The following GPC6 variants were observed in gnomAD, a reference collection of about 807,000 sequenced individuals.
The protein encoded by GPC6 is glypican 6.
GPC6 carries 14 observed loss-of-function variants against 55.2 expected under a neutral mutation model. The ratio of observed to expected loss-of-function variants is 0.25; its 90% CI spans 0.17 to 0.40. The LOEUF is 0.40. GPC6 is among the 10% of genes least tolerant of loss of function. The pLI, the probability that GPC6 is intolerant of heterozygous loss-of-function variation, is 1.00. For missense variants in GPC6, 641 were observed against 708.5 expected (o/e 0.90, Z 1.08); for synonymous variants, 278 against 259.6 (o/e 1.07, Z -0.68).
intron 2 of GPC6, among the ~76,000 whole-genome samples, chr13:93,705,904 T>C (rs956473783): frequency 6.6e-6 from 1 of 151,532 alleles, no homozygotes; most frequent in Non-Finnish European, 1.5e-5. Flanking sequence ...AATTATGTAA[T>C]TTAATTAAAT....
chr13:93,340,757 A>G (rs1460882387), intron 1 of GPC6, among the ~76,000 whole-genome samples: 1 of 152,048 alleles, frequency 6.6e-6, no homozygotes, highest in East Asian at 2.0e-4. Flanking sequence ...ATAGCGAAGA[A>G]GACTTATGAA....
chr13:94,185,414 C>T (rs1889141592), intron 4 of GPC6, among the ~76,000 whole-genome samples: 1 of 152,024 alleles, frequency 6.6e-6, no homozygotes, highest in African/African-American at 2.4e-5. Flanking sequence ...GGAAAGTCTA[C>T]AAACTTTTCA....
intron 4 of GPC6, among the ~76,000 whole-genome samples, chr13:94,074,253 T>C (rs1884833424): frequency 6.6e-6 from 1 of 152,078 alleles, no homozygotes; most frequent in Non-Finnish European, 1.5e-5. Context: ...TAAAAAAAAA[T>C]ACTTTTCAAA....
chr13:93,958,342 C>G (rs1879606193), intron 3 of GPC6, among the ~76,000 whole-genome samples: 1 of 152,172 alleles, frequency 6.6e-6, no homozygotes, highest in Non-Finnish European at 1.5e-5. Flanking sequence ...TCAGGTCTTA[C>G]ATTTAAATCT....
chr13:94,247,245 G>A (rs955363424), intron 4 of GPC6, among the ~76,000 whole-genome samples: 2 of 152,018 alleles, frequency 1.3e-5, no homozygotes, highest in Non-Finnish European at 2.9e-5. Flanking sequence ...ATAGTTGTTT[G>A]GTGGAGTCTT....
At chr13:93,952,841 CACATATATAT>C (rs1879316149) in intron 3 of GPC6, among the ~76,000 whole-genome samples, 2 of 145,062 alleles carry the variant, frequency 1.4e-5, no homozygotes, top group African/African-American at 5.1e-5. Flanking sequence ...GTATATATCA[CACATATATAT>C]ACGTATATAT....
chr13:93,704,866 G>A (rs1342858594), intron 2 of GPC6, among the ~76,000 whole-genome samples: 2 of 151,944 alleles, frequency 1.3e-5, no homozygotes, highest in African/African-American at 4.8e-5. Flanking sequence ...TTGTAATGAC[G>A]TGATGCTGGA....
At chr13:93,393,287 C>T (rs1246244739) in intron 1 of GPC6, among the ~76,000 whole-genome samples, 5 of 151,480 alleles carry the variant, frequency 3.3e-5, no homozygotes, top group East Asian at 2.0e-4. Context: ...TACACGCGCC[C>T]ACCACCACAC....
At chr13:94,332,207 T>G (rs1340118557) in intron 6 of GPC6, among the ~76,000 whole-genome samples, 1 of 152,194 alleles carries the variant, frequency 6.6e-6, no homozygotes, top group African/African-American at 2.4e-5. Context: ...TTTTTTGGCT[T>G]TGGTTTCTTC....
Position 94,401,944 on chromosome 13 carries a change from TGATAGATA to T in GPC6, c.1466-1050_1466-1043del, listed in dbSNP as rs200622525. On this transcript the variant is annotated intron_variant, in intron 8 of 8. Transcript: ENST00000377047. ...CAGACCCTATGATTGATTGATTGATTGATAGATAGATAGATAGATAGATAGATAATAGA... is the reference window on the plus strand; with the variant it reads ...CAGACCCTATGATTGATTGATTGATTGATAGATAGATAGATAGATAATAGA... 4.7e-5 allele frequency among the ~76,000 whole-genome samples: 7 copies of T among 149,748 alleles called. No homozygotes were observed. The East Asian group carries it at 6.9e-4, about 15-fold the overall frequency.
At chr13:94,285,566 C>A (rs1393116631) in intron 4 of GPC6, among the ~76,000 whole-genome samples, 2 of 152,182 alleles carry the variant, frequency 1.3e-5, no homozygotes, top group African/African-American at 4.8e-5. Context: ...TAACTTTAAA[C>A]TGTGACTCTA....
At chr13:93,719,702 A>T (rs1414146990) in intron 2 of GPC6, among the ~76,000 whole-genome samples, 3 of 152,022 alleles carry the variant, frequency 2.0e-5, no homozygotes, top group African/African-American at 7.2e-5. Context: ...CCCATTCAGT[A>T]TGATATTGGT....
chr13:93,595,382 G>A (rs73541597), intron 2 of GPC6, among the ~76,000 whole-genome samples: 7,009 of 152,136 alleles, frequency 0.046, 494 homozygotes, highest in African/African-American at 0.15. Context: ...TCGCTTGTTG[G>A]CCATTTGACG....
intron 4 of GPC6, among the ~76,000 whole-genome samples, chr13:94,282,110 G>A (rs1566630514): frequency 6.6e-6 from 1 of 152,150 alleles, no homozygotes; most frequent in Non-Finnish European, 1.5e-5. Context: ...AAATTTAGCA[G>A]GTTAAAATAA....
At chr13:94,264,185 A>T (rs573188967) in intron 4 of GPC6, among the ~76,000 whole-genome samples, 2 of 152,338 alleles carry the variant, frequency 1.3e-5, no homozygotes, top group East Asian at 3.9e-4. Context: ...ATGACAAAGG[A>T]TCTAACATGT....
intron 1 of GPC6, among the ~76,000 whole-genome samples, chr13:93,503,653 G>A (rs1224905882): frequency 1.3e-5 from 2 of 152,128 alleles, no homozygotes; most frequent in Admixed American, 1.3e-4. Flanking sequence ...ACTACTGGAA[G>A]CTGTAGCAAT....
At chr13:93,926,984 A>G (rs1489761440) in intron 3 of GPC6, among the ~76,000 whole-genome samples, 5 of 152,184 alleles carry the variant, frequency 3.3e-5, no homozygotes, top group Non-Finnish European at 1.5e-5. Context: ...TTCCCCTAGT[A>G]GTTTTCTGTA....
chr13:93,591,468 GAAAAA>G (rs60796601), intron 2 of GPC6, among the ~76,000 whole-genome samples: 1 of 124,564 alleles, frequency 8.0e-6, no homozygotes, highest in Non-Finnish European at 1.6e-5. Flanking sequence ...CGTCTCAAAG[GAAAAA>G]AAAAAAAAAA....
At chr13:94,401,730 A>G (rs1881138554) in intron 8 of GPC6, among the ~76,000 whole-genome samples, 3 of 152,324 alleles carry the variant, frequency 2.0e-5, no homozygotes, top group Admixed American at 2.0e-4. Flanking sequence ...CACTTTTTAC[A>G]TGTCATAAAA....
Sources: allele counts gnomAD v4.1 joint callset (sites outside exome capture counted in the v4.1 genomes callset), GRCh38; gene constraint gnomAD v4.1.1; transcripts MANE v1.5; gene names NCBI Gene and HGNC (gene_info 2026-07-23, HGNC 2026-07-21).